UNC13B: variants seen among roughly 807,000 people sequenced by gnomAD.
UNC13B encodes the protein protein unc-13 homolog B.
A neutral mutation model predicts 211.0 loss-of-function variants in UNC13B; 144 were observed. That is an observed-to-expected ratio of 0.68 (90% confidence interval 0.60 to 0.78). The LOEUF is 0.78. Among genes scored for constraint, UNC13B ranks in the 30% least tolerant of loss-of-function variants. The pLI, the probability that UNC13B is intolerant of heterozygous loss-of-function variation, is 0.00. For missense variants in UNC13B, 1,777 were observed against 2,002.0 expected (o/e 0.89, Z 2.14); for synonymous variants, 709 against 725.8 (o/e 0.98, Z 0.37).
At chr9:35,175,138 G>A (rs1389371045) in intron 1 of UNC13B, among the ~76,000 whole-genome samples, 2 of 152,236 alleles carry the variant, frequency 1.3e-5, no homozygotes, top group Non-Finnish European at 2.9e-5. Flanking sequence ...AAGAGAGGGA[G>A]GAAAGTTGGG....
At chr9:35,202,354 C>A (rs566892616) in intron 1 of UNC13B, among the ~76,000 whole-genome samples, 89 of 152,262 alleles carry the variant, frequency 5.8e-4, no homozygotes, top group African/African-American at 2.1e-3. Flanking sequence ...TCTATTAGGT[C>A]CGCTTGGTGC....
Position 35,337,133 on chromosome 9 carries a change from G to A in UNC13B, c.9414+23144G>A, listed in dbSNP as rs79098415. ...AGTCACTGACGGATTTTAAGAAAAT[G>A]AGTGACAAAAACTTATGTACATCTT... On this transcript the variant is annotated intron_variant, in intron 11 of 39. Transcript: ENST00000635942. Among the ~76,000 whole-genome samples, 312 of 151,928 alleles carry A rather than the reference G, an allele frequency of 2.1e-3. 2 individuals carry two copies. The highest frequency in any genetic ancestry group is 0.012 in the South Asian group (58 of 4,802).
intron 27 of UNC13B, 70 bp from the exon 28 acceptor site, chr9:35,396,771 G>A (rs1835908162): frequency 6.2e-7 from 1 of 1,605,614 alleles, no homozygotes. Flanking sequence ...CCCCAGTCTG[G>A]TGGAGCTGTC....
At chr9:35,247,562 A>G (rs1826179802) in intron 6 of UNC13B, among the ~76,000 whole-genome samples, 1 of 152,172 alleles carries the variant, frequency 6.6e-6, no homozygotes, top group Admixed American at 6.5e-5. Flanking sequence ...TTTTAGCATG[A>G]AGGGCTGTTC....
chr9:35,375,915 G>A (rs985258633), intron 14 of UNC13B, 113 bp from the exon 15 acceptor site: 1 of 1,018,374 alleles, frequency 9.8e-7, no homozygotes, highest in South Asian at 1.4e-5. Context: ...GGGAGGTGGA[G>A]GTTGCAATGA....
intron 1 of UNC13B, among the ~76,000 whole-genome samples, chr9:35,196,621 A>G (rs1450202429): frequency 6.8e-6 from 1 of 147,832 alleles, no homozygotes; most frequent in Non-Finnish European, 1.5e-5. Flanking sequence ...TTTTATAAGA[A>G]CCTCAGTGTT....
At chr9:35,293,068 T>C (rs1419060326) in intron 7 of UNC13B, among the ~76,000 whole-genome samples, 1 of 152,246 alleles carries the variant, frequency 6.6e-6, no homozygotes, top group Non-Finnish European at 1.5e-5. Context: ...TGGAGGTGAT[T>C]GCCTCTCACT....
Position 35,259,100 on chromosome 9 carries a change from G to T in UNC13B, c.526+50G>T, listed in dbSNP as rs370483876. The stretch of plus-strand genomic sequence containing the variant: ...TCTCTTTTAATTGTAGCTTTCTGTC[G>T]CTTCTCTGAACATGGGTTATTCTGA... On this transcript the variant is annotated intron_variant, in intron 7 of 39. Transcript: ENST00000635942. The T allele has an allele frequency of 6.3e-6, 10 of 1,588,526 alleles. No individual in the cohort carries two copies. In the South Asian group the frequency reaches 1.0e-4, roughly 16 times the overall value.
At position 35,245,000 on chromosome 9, in the gene UNC13B, G is replaced by A. The variant is rs144145347; in HGVS notation, c.468+1636G>A. ...ACCAACATCCTAACTTTTCTTCATT[G>A]TTGAAAGCTCCAGTCCTCTTTCTCC... is the stretch of plus-strand genomic sequence containing the variant. On this transcript the variant is annotated intron_variant, in intron 6 of 39. Transcript: ENST00000635942. 3.2e-3 allele frequency among the ~76,000 whole-genome samples: 485 copies of A among 152,204 alleles called. 2 individuals carry two copies. Among genetic ancestry groups the A allele is most frequent in the African/African-American group, 0.011 (461 of 41,516 alleles).
intron 11 of UNC13B, among the ~76,000 whole-genome samples, chr9:35,339,905 G>C (rs1480319744): frequency 6.6e-6 from 1 of 152,194 alleles, no homozygotes; most frequent in African/African-American, 2.4e-5. Flanking sequence ...TCCTACCTCT[G>C]GGGAATCTTT....
At chr9:35,269,278 C>T (rs1032040510) in intron 7 of UNC13B, among the ~76,000 whole-genome samples, 1 of 152,050 alleles carries the variant, frequency 6.6e-6, no homozygotes, top group Non-Finnish European at 1.5e-5. Context: ...TTGGTATTAC[C>T]GATTGATTAA....
intron 10 of UNC13B, among the ~76,000 whole-genome samples, chr9:35,312,780 T>C (rs544018187): frequency 5.9e-5 from 9 of 152,340 alleles, no homozygotes; most frequent in Non-Finnish European, 1.2e-4. Context: ...TAGTTAATAA[T>C]GTGGATAATG....
Position 35,305,035 on chromosome 9 carries a change from C to A in UNC13B, c.5631C>A (p.Ile1877=). The A allele has an allele frequency of 2.5e-6, 1 of 398,884 alleles. No homozygotes were observed. The highest frequency in any genetic ancestry group is 1.3e-4 in the South Asian group (1 of 7,852). The allele number at this position is 398,884 out of a possible 1,614,324, so 24.7% of individuals were successfully genotyped here. ...QAKSGVKDDE[I]ITTDSISVSP... ...AATCAGGTGTAAAAGATGATGAAAT[C>A]ATTACAACAGACTCTATTTCAGTTT... The change falls in exon 9 of 40, where the codon ATC becomes ATA. Residue 1877 remains isoleucine, a synonymous_variant. Transcript: ENST00000635942.
intron 11 of UNC13B, among the ~76,000 whole-genome samples, chr9:35,342,524 C>T (rs1180260773): frequency 6.6e-6 from 1 of 152,140 alleles, no homozygotes; most frequent in Non-Finnish European, 1.5e-5. Flanking sequence ...AGAATCTTCA[C>T]ATGCATGTAT....
At chr9:35,285,299 G>A (rs1039805785) in intron 7 of UNC13B, among the ~76,000 whole-genome samples, 1 of 152,084 alleles carries the variant, frequency 6.6e-6, no homozygotes, top group African/African-American at 2.4e-5. Context: ...TGTGTTTTTC[G>A]CAATGTAATT....
Position 35,303,093 on chromosome 9 carries a change from G to A in UNC13B, c.3689G>A (p.Cys1230Tyr), listed in dbSNP as rs1829764598. 5.0e-6 allele frequency: 2 copies of A among 398,616 alleles called. No homozygotes were observed. The highest frequency in any genetic ancestry group is 1.3e-4 in the South Asian group (1 of 7,858). 24.7% of individuals were successfully genotyped at this position (398,616 alleles called of 1,614,324 possible). The part of the protein sequence containing the change: ...LSLDEVPATS[C>Y]VTSENPKNHV... ...TTGGATGAGGTCCCTGCTACTTCATGTGTGACTTCTGAGAACCCGAAGAAC... is the reference window on the plus strand; with the variant it reads ...TTGGATGAGGTCCCTGCTACTTCATATGTGACTTCTGAGAACCCGAAGAAC... The change falls in exon 9 of 40, where the codon TGT (cysteine) becomes TAT (tyrosine). Residue 1230 changes from cysteine to tyrosine, a missense_variant. Coordinates refer to ENST00000635942, the MANE Select transcript of UNC13B (RefSeq NM_001371189.2).
At chr9:35,390,553 G>A (rs1468969873) in intron 25 of UNC13B, 76 bp from the exon 26 acceptor site, 27 of 1,490,512 alleles carry the variant, frequency 1.8e-5, no homozygotes, top group Non-Finnish European at 2.4e-5. Flanking sequence ...CAAGAACTAG[G>A]CACTTTAGCC....
intron 6 of UNC13B, among the ~76,000 whole-genome samples, chr9:35,257,358 TATAAATATTTATAAAATATTTATATAA>T (rs1826962390): frequency 3.4e-4 from 1 of 2,958 alleles, no homozygotes; most frequent in South Asian, 0.05. Context: ...AAAATATTTA[TATAAATATTTATAAAATATTTATATAA>T]ATATTTATAA....
chr9:35,351,933 G>A (rs75400688), intron 11 of UNC13B: 4 of 1,232,198 alleles, frequency 3.2e-6, no homozygotes, highest in Admixed American at 4.2e-5. Context: ...CGTGAACAGC[G>A]GGAACCTTTG....
Sources: allele counts gnomAD v4.1 joint callset (sites outside exome capture counted in the v4.1 genomes callset), GRCh38; gene constraint gnomAD v4.1.1; transcripts MANE v1.5; gene names NCBI Gene and HGNC (gene_info 2026-07-23, HGNC 2026-07-21).